VRK2: variants seen among roughly 807,000 people sequenced by gnomAD.
VRK2 encodes the protein serine/threonine-protein kinase VRK2.
VRK2 carries 60 observed loss-of-function variants against 57.6 expected under a neutral mutation model. The ratio of observed to expected loss-of-function variants is 1.04; its 90% CI spans 0.85 to 1.29. The LOEUF is 1.29. VRK2 is among the 50% of genes most tolerant of loss of function. The pLI is 0.00. For synonymous variants in VRK2, 231 were observed against 199.2 expected, an observed-to-expected ratio of 1.16 and a Z score of -1.35; for missense variants, 705 against 588.1, an observed-to-expected ratio of 1.20 and a Z score of -2.06.
Position 58,159,447 on chromosome 2 carries a change from C to T in VRK2, c.1281C>T (p.Asn427=). The T allele has an allele frequency of 6.2e-7, 1 of 1,613,592 alleles. No individual in the cohort carries two copies. The highest frequency in any genetic ancestry group is 8.5e-7 in the Non-Finnish European group (1 of 1,179,698). The change falls in exon 13 of 13, where the codon AAC becomes AAT. Residue 427 remains asparagine (N), a synonymous_variant. Coordinates refer to ENST00000340157, the MANE Select transcript of VRK2 (RefSeq NM_006296.7). ...AAATCAGCTATACACAATTCCCAAA[C>T]TCATTTTATGAGCCTCATCAAGATT... ...PQKISYTQFP[N]SFYEPHQDFT...
At chr2:58,125,238 GAGA>G (rs1678158854) in intron 8 of VRK2, among the ~76,000 whole-genome samples, 1 of 152,092 alleles carries the variant, frequency 6.6e-6, no homozygotes, top group Admixed American at 6.5e-5. Context: ...ATTGTGGAAA[GAGA>G]AGTAGAGTTT....
rs114926400 is a variant in VRK2 at position 58,050,561 on chromosome 2, T to C, written c.136+1594T>C. Among the ~76,000 whole-genome samples, 411 of 152,364 alleles carry C rather than the reference T, an allele frequency of 2.7e-3. 3 individuals are homozygous for C. Among genetic ancestry groups the C allele is most frequent in the African/African-American group, 9.0e-3 (375 of 41,588 alleles). On this transcript the variant is annotated intron_variant, in intron 2 of 12. Coordinates refer to ENST00000340157, the MANE Select transcript of VRK2 (RefSeq NM_006296.7). ...TTATCACTTTTGGTTTTCTAATATT[T>C]GTATTATTTGAGTAATTTCAAAGAA...
intron 1 of VRK2, among the ~76,000 whole-genome samples, chr2:58,019,325 CT>C (rs199617596): frequency 2.0e-5 from 3 of 151,818 alleles, no homozygotes; most frequent in Non-Finnish European, 2.9e-5. Flanking sequence ...AGTATATCCG[CT>C]TTTTTTTAGG....
chr2:58,138,162 C>T (rs183095398), intron 10 of VRK2, among the ~76,000 whole-genome samples: 1 of 152,132 alleles, frequency 6.6e-6, no homozygotes, highest in Admixed American at 6.6e-5. Flanking sequence ...ATGTACCAAA[C>T]TTGGCTTACC....
chr2:58,070,358 A>T (rs1669210522), intron 2 of VRK2, among the ~76,000 whole-genome samples: 1 of 152,032 alleles, frequency 6.6e-6, no homozygotes, highest in Non-Finnish European at 1.5e-5. Context: ...GTTTTATGTT[A>T]TATAGTTTTA....
intron 2 of VRK2, among the ~76,000 whole-genome samples, chr2:58,056,533 T>A (rs1364763005): frequency 6.6e-6 from 1 of 152,174 alleles, no homozygotes; most frequent in African/African-American, 2.4e-5. Context: ...ATTCTCAGCT[T>A]TGGCTCATGT....
chr2:58,072,760 A>G (rs192169710), intron 2 of VRK2, among the ~76,000 whole-genome samples: 1 of 151,640 alleles, frequency 6.6e-6, no homozygotes, highest in East Asian at 1.9e-4. Context: ...TATTAGGGTG[A>G]TGCTGGTTTT....
chr2:58,046,559 T>C, upstream of VRK2: 2 of 985,642 alleles, frequency 2.0e-6, no homozygotes, highest in Non-Finnish European at 1.2e-6. Context: ...GTCCAGACGC[T>C]GGCGGGCCAG....
chr2:58,044,204 A>G (rs912532046), upstream of VRK2, among the ~76,000 whole-genome samples: 4 of 152,060 alleles, frequency 2.6e-5, no homozygotes, highest in Non-Finnish European at 4.4e-5. Context: ...CTGGGGCTTT[A>G]GATTAGTACT....
At chr2:57,989,637 A>G (rs1672703043) in intron 1 of VRK2, among the ~76,000 whole-genome samples, 1 of 152,240 alleles carries the variant, frequency 6.6e-6, no homozygotes, top group South Asian at 2.1e-4. Flanking sequence ...GATATAATCA[A>G]TAAACAACTA....
intron 11 of VRK2, 110 bp downstream of exon 11, chr2:58,139,942 AT>A: frequency 8.5e-7 from 1 of 1,181,852 alleles, no homozygotes; most frequent in Non-Finnish European, 1.2e-6. Context: ...TCTTCCTTAT[AT>A]TTAACTCCCA....
intron 2 of VRK2, among the ~76,000 whole-genome samples, chr2:58,063,092 A>T (rs1206406346): frequency 6.6e-6 from 1 of 152,018 alleles, no homozygotes; most frequent in African/African-American, 2.4e-5. Context: ...AATTATGTTT[A>T]CTATCTATTC....
At chr2:58,041,798 T>C (rs770161471), upstream of VRK2, among the ~76,000 whole-genome samples, 8 of 152,166 alleles carry the variant, frequency 5.3e-5, no homozygotes, top group Non-Finnish European at 8.8e-5. Flanking sequence ...AGTAAACTAA[T>C]ACCCTTGGTC....
At chr2:58,148,443 G>A (rs1248136238) in intron 12 of VRK2, among the ~76,000 whole-genome samples, 3 of 151,682 alleles carry the variant, frequency 2.0e-5, no homozygotes, top group Non-Finnish European at 4.4e-5. Context: ...CCTAGCATGC[G>A]GCCTGCCTAA....
intron 1 of VRK2, among the ~76,000 whole-genome samples, chr2:58,002,763 T>C (rs1572765426): frequency 1.3e-5 from 2 of 152,326 alleles, no homozygotes; most frequent in Non-Finnish European, 2.9e-5. Flanking sequence ...TGTTTTACAA[T>C]ATAAAGTTTG....
intron 2 of VRK2, among the ~76,000 whole-genome samples, chr2:58,068,941 CTTTA>C (rs1669008964): frequency 6.7e-6 from 1 of 150,050 alleles, no homozygotes; most frequent in Admixed American, 6.6e-5. Context: ...AAGTGTTTGT[CTTTA>C]TTTATTGAAA....
intron 2 of VRK2, among the ~76,000 whole-genome samples, chr2:58,057,257 A>G (rs1311799384): frequency 6.6e-6 from 1 of 152,168 alleles, no homozygotes; most frequent in Non-Finnish European, 1.5e-5. Flanking sequence ...TCCATGCTCT[A>G]TCCTATATGT....
chr2:58,044,568 T>C (rs1284551305), upstream of VRK2, among the ~76,000 whole-genome samples: 2 of 152,152 alleles, frequency 1.3e-5, no homozygotes, highest in African/African-American at 4.8e-5. Flanking sequence ...TGTATAGCAG[T>C]AGGTACTGGG....
At chr2:57,990,724 GAGA>G (rs1672737756) in intron 1 of VRK2, among the ~76,000 whole-genome samples, 1 of 152,104 alleles carries the variant, frequency 6.6e-6, no homozygotes, top group Non-Finnish European at 1.5e-5. Flanking sequence ...GTGAAAATGA[GAGA>G]AGTATATCTT....
Sources: allele counts gnomAD v4.1 joint callset (sites outside exome capture counted in the v4.1 genomes callset), GRCh38; gene constraint gnomAD v4.1.1; transcripts MANE v1.5; gene names NCBI Gene and HGNC (gene_info 2026-07-23, HGNC 2026-07-21).